Variants in ZDHHC2 observed in about 807,000 individuals in gnomAD.
ZDHHC2 encodes zDHHC palmitoyltransferase 2.
A neutral mutation model predicts 55.6 loss-of-function variants in ZDHHC2; 51 were observed. The ratio of observed to expected loss-of-function variants is 0.92; its 90% confidence interval spans 0.73 to 1.16. The LOEUF (loss-of-function observed/expected upper bound fraction) is 1.16. Ranked by LOEUF, ZDHHC2 falls within the 50% of genes most tolerant of loss-of-function variation. The probability of loss-of-function intolerance (pLI) is 0.00; values close to 1 mark genes in which losing one functional copy is unlikely to be tolerated. For synonymous variants in ZDHHC2, 199 were observed against 152.9 expected, an observed-to-expected ratio of 1.30 and a Z score of -2.22; for missense variants, 491 against 442.4, an observed-to-expected ratio of 1.11 and a Z score of -0.99.
At chr8:17,198,002 C>G (rs1806411837) in intron 5 of ZDHHC2, among the ~76,000 whole-genome samples, 1 of 152,184 alleles carries the variant, frequency 6.6e-6, no homozygotes, top group African/African-American at 2.4e-5. Flanking sequence ...TAATATACTC[C>G]AAGGACAGTA....
intron 1 of ZDHHC2, among the ~76,000 whole-genome samples, chr8:17,170,355 T>A (rs769827397): frequency 1.1e-4 from 16 of 152,338 alleles, no homozygotes; most frequent in South Asian, 4.1e-4. Context: ...GTTTAAATAT[T>A]TGATTTCATC....
At chr8:17,176,076 G>C (rs1010369028) in intron 1 of ZDHHC2, among the ~76,000 whole-genome samples, 1 of 152,170 alleles carries the variant, frequency 6.6e-6, no homozygotes, top group African/African-American at 2.4e-5. Context: ...TTATTTTACT[G>C]TAAATTGAGT....
rs527648817 is a variant in ZDHHC2, at chr8:17,221,443, A to T, written c.*1222A>T. 1 of 152,652 alleles carries T rather than the reference A, an allele frequency of 6.6e-6. No individual in the cohort carries two copies. The highest frequency in any genetic ancestry group is 2.4e-5 in the African/African-American group (1 of 41,584). 9.5% of individuals were successfully genotyped at this position (152,652 alleles called of 1,614,324 possible). ...ATAATTCATGTAAATGTTAACAATTAGAATAATACTCTGTATGCTTTTTTG... is the reference window on the plus strand; with the variant it reads ...ATAATTCATGTAAATGTTAACAATTTGAATAATACTCTGTATGCTTTTTTG... On this transcript the variant is annotated 3_prime_UTR_variant, in exon 13 of 13. Coordinates refer to ENST00000262096, the MANE Select transcript of ZDHHC2 (RefSeq NM_016353.5).
intron 10 of ZDHHC2, among the ~76,000 whole-genome samples, chr8:17,214,726 TAG>T (rs1199258442): frequency 6.6e-6 from 1 of 151,920 alleles, no homozygotes; most frequent in Non-Finnish European, 1.5e-5. Context: ...CTGGGCAACA[TAG>T]AGAGTCCACT....
At chr8:17,168,070 T>A (rs1159012641) in intron 1 of ZDHHC2, among the ~76,000 whole-genome samples, 4 of 152,222 alleles carry the variant, frequency 2.6e-5, no homozygotes, top group Non-Finnish European at 5.9e-5. Context: ...TTAGCTCTGA[T>A]TTAAGGCAGT....
intron 1 of ZDHHC2, among the ~76,000 whole-genome samples, chr8:17,176,710 T>G (rs1805150766): frequency 6.6e-6 from 1 of 151,470 alleles, no homozygotes. Context: ...AAGCCCAGAG[T>G]GACAGAAGCA....
intron 12 of ZDHHC2, among the ~76,000 whole-genome samples, chr8:17,219,281 G>GA (rs1807801828): frequency 3.7e-5 from 3 of 81,814 alleles, no homozygotes; most frequent in East Asian, 4.7e-4. Flanking sequence ...AAAAAAAACA[G>GA]AAAAAAAACA....
intron 1 of ZDHHC2, 24 bp from the exon 2 acceptor site, chr8:17,184,765 T>C (rs1412274231): frequency 1.4e-5 from 22 of 1,547,870 alleles, no homozygotes; most frequent in Middle Eastern, 1.7e-4. Flanking sequence ...TCATGTAACC[T>C]ATTACCTTTT....
intron 6 of ZDHHC2, among the ~76,000 whole-genome samples, chr8:17,201,262 GTTAT>G (rs753397945): frequency 1.8e-4 from 28 of 151,636 alleles, no homozygotes; most frequent in Non-Finnish European, 2.4e-4. Context: ...AAACCCCCTT[GTTAT>G]TTATTTATTT....
In ZDHHC2 at chr8:17,215,221, T is replaced by C. The variant is rs972680195; in HGVS notation, c.951-16T>C. ...TAGCTTATGATGATTTTGATGATTA[T>C]TCAATTATTATTCAGTCTCGAAAAC... On this transcript the variant is annotated splice_polypyrimidine_tract_variant and intron_variant, in intron 10 of 12. Coordinates refer to ENST00000262096, the MANE Select transcript of ZDHHC2 (RefSeq NM_016353.5). The C allele has an allele frequency of 1.3e-6, 2 of 1,553,098 alleles. No individual in the cohort carries two copies. Among genetic ancestry groups the C allele is most frequent in the African/African-American group, 2.7e-5 (2 of 73,018 alleles).
At chr8:17,163,924 G>T (rs917151253) in intron 1 of ZDHHC2, among the ~76,000 whole-genome samples, 1 of 152,168 alleles carries the variant, frequency 6.6e-6, no homozygotes, top group Non-Finnish European at 1.5e-5. Flanking sequence ...TAGTCCATTA[G>T]AAAATTGTTG....
chr8:17,199,556 T>TTCC, intron 6 of ZDHHC2, among the ~76,000 whole-genome samples: 1 of 104,592 alleles, frequency 9.6e-6, no homozygotes, highest in African/African-American at 2.7e-5. Context: ...TGTCTTCGTC[T>TTCC]TCGTCTTCTT....
chr8:17,222,135 C>T lies in ZDHHC2; in HGVS notation c.*1914C>T, dbSNP rs1353440449. 1.3e-5 allele frequency: 2 copies of T among 151,552 alleles called. No individual in the cohort carries two copies. Among genetic ancestry groups the T allele is most frequent in the Admixed American group, 6.6e-5 (1 of 15,194 alleles). 9.4% of individuals were successfully genotyped at this position (151,552 alleles called of 1,614,324 possible). ...TAGAGTACTGTTAATGCCCCTTTCC[C>T]ACAGTCTTTTATATAATTAAATATA... On this transcript the variant is annotated 3_prime_UTR_variant, in exon 13 of 13. Transcript: ENST00000262096.
intron 3 of ZDHHC2, among the ~76,000 whole-genome samples, chr8:17,192,214 G>A (rs900488028): frequency 4.6e-5 from 7 of 152,126 alleles, no homozygotes; most frequent in Non-Finnish European, 5.9e-5. Flanking sequence ...TCAGACTCCT[G>A]GGCTCGAATG....
intron 3 of ZDHHC2, among the ~76,000 whole-genome samples, chr8:17,190,993 G>A (rs1240920834): frequency 2.9e-5 from 3 of 104,550 alleles, no homozygotes; most frequent in African/African-American, 3.8e-5. Context: ...ATGGAGTTTC[G>A]CTCTGTCACC....
chr8:17,156,784 A>G lies in ZDHHC2; in HGVS notation c.61A>G (p.Ile21Val). The change falls in exon 1 of 13, where the codon ATC becomes GTC. Residue 21 changes from isoleucine to valine, a missense_variant. Physicochemically the swap from Ile to Val is conservative, Grantham distance 29. Transcript: ENST00000262096. ...GCGGTGCCGGCGGGTGCTGTACTGG[A>G]TCCCGGTGGTGTTCATCACCCTCCT... ...RRRCRRVLYW[I>V]PVVFITLLLG... The G allele has an allele frequency of 6.6e-7, 1 of 1,519,290 alleles. No individual in the cohort carries two copies. The highest frequency in any genetic ancestry group is 8.8e-7 in the Non-Finnish European group (1 of 1,132,468). 94.1% of individuals were successfully genotyped at this position (1,519,290 alleles called of 1,614,324 possible).
intron 1 of ZDHHC2, among the ~76,000 whole-genome samples, chr8:17,183,614 T>C (rs570742745): frequency 5.3e-5 from 8 of 152,196 alleles, no homozygotes; most frequent in Non-Finnish European, 1.2e-4. Flanking sequence ...AACCATATAT[T>C]AGTTGGTGTA....
intron 2 of ZDHHC2, 117 bp downstream of exon 2, chr8:17,184,932 G>A: frequency 1.2e-6 from 1 of 830,782 alleles, no homozygotes; most frequent in South Asian, 2.0e-5. Context: ...GACAAGCTAG[G>A]GTTAAAGATG....
At chr8:17,180,476 A>T (rs937464972) in intron 1 of ZDHHC2, among the ~76,000 whole-genome samples, 2 of 152,186 alleles carry the variant, frequency 1.3e-5, no homozygotes, top group Non-Finnish European at 2.9e-5. Flanking sequence ...GAGCCTGTAC[A>T]AATATTACTT....
Sources: allele counts gnomAD v4.1 joint callset (sites outside exome capture counted in the v4.1 genomes callset), GRCh38; gene constraint gnomAD v4.1.1; transcripts MANE v1.5; gene names NCBI Gene and HGNC (gene_info 2026-07-23, HGNC 2026-07-21).